NUP153: variants seen among roughly 807,000 people sequenced by gnomAD.
NUP153 encodes nuclear pore complex protein Nup153.
Under a neutral mutation model 134.6 loss-of-function variants are expected in NUP153, and 27 were observed. The ratio of observed to expected loss-of-function variants is 0.20; its 90% CI spans 0.15 to 0.28. NUP153 has a LOEUF of 0.28. Ranked by LOEUF, NUP153 falls within the 10% of genes least tolerant of loss-of-function variation. NUP153 has a pLI of 1.00. For missense variants in NUP153, 1,821 were observed against 1,731.3 expected, an observed-to-expected ratio of 1.05 and a Z score of -0.92; for synonymous variants, 640 against 623.5, an observed-to-expected ratio of 1.03 and a Z score of -0.40.
At position 17,629,494 on chromosome 6, in the gene NUP153, G is replaced by A. The variant is rs758404316; in HGVS notation, c.2705C>T (p.Ser902Phe). ...GGATGATGAGACACCAAATTTGAAGGATGAGGAGGCTGCTGAGTTCGAAGA... is the reference window on the plus strand; with the variant it reads ...GGATGATGAGACACCAAATTTGAAGAATGAGGAGGCTGCTGAGTTCGAAGA... Reference protein sequence around the residue: ...SSSSNSAASSSFKFGVSSSSS... With the variant: ...SSSSNSAASSFFKFGVSSSSS... The change falls in exon 18 of 22, where the codon TCC becomes TTC. Residue 902 changes from serine (S) to phenylalanine (F), a missense_variant. By Grantham distance (155) the Ser-to-Phe change is radical. Coordinates refer to ENST00000262077, the MANE Select transcript of NUP153 (RefSeq NM_005124.4). 1.9e-6 allele frequency: 3 copies of A among 1,606,132 alleles called. No homozygotes were observed. The Admixed American group carries it at 5.2e-5, about 28-fold the overall frequency.
At chr6:17,658,206 G>C (rs1342197550) in intron 11 of NUP153, among the ~76,000 whole-genome samples, 1 of 152,120 alleles carries the variant, frequency 6.6e-6, no homozygotes, top group African/African-American at 2.4e-5. Flanking sequence ...AGACCAGCCT[G>C]GTCAAGATGG....
intron 2 of NUP153, among the ~76,000 whole-genome samples, chr6:17,678,068 A>G (rs1407660849): frequency 6.6e-6 from 1 of 151,996 alleles, no homozygotes; most frequent in East Asian, 1.9e-4. Context: ...ATTAAATATG[A>G]TTCTGGGCTG....
chr6:17,678,863 T>C (rs1328549884), intron 2 of NUP153, among the ~76,000 whole-genome samples: 4 of 151,778 alleles, frequency 2.6e-5, no homozygotes, highest in African/African-American at 7.3e-5. Flanking sequence ...GGAGGATCAC[T>C]TGAGCCCAGG....
chr6:17,694,921 G>A (rs1299486673), intron 1 of NUP153, among the ~76,000 whole-genome samples: 1 of 151,948 alleles, frequency 6.6e-6, no homozygotes, highest in South Asian at 2.1e-4. Context: ...AGAGGTTGCA[G>A]TGAGCAGAGT....
chr6:17,689,657 C>G (rs897819591), intron 1 of NUP153, among the ~76,000 whole-genome samples: 1 of 151,800 alleles, frequency 6.6e-6, no homozygotes, highest in Admixed American at 6.6e-5. Context: ...CTGCCTCAGC[C>G]TCCCAATTAG....
chr6:17,690,456 C>A (rs1470490273), intron 1 of NUP153, among the ~76,000 whole-genome samples: 1 of 151,952 alleles, frequency 6.6e-6, no homozygotes, highest in Non-Finnish European at 1.5e-5. Flanking sequence ...TTGATTTACT[C>A]TAGGTAAAAT....
chr6:17,649,901 C>T (rs974272233), intron 11 of NUP153, among the ~76,000 whole-genome samples: 7 of 152,012 alleles, frequency 4.6e-5, no homozygotes, highest in Admixed American at 1.3e-4. Context: ...GGAACATATC[C>T]CTTGCAGATA....
intron 14 of NUP153, among the ~76,000 whole-genome samples, chr6:17,644,833 C>T (rs1382231313): frequency 6.6e-6 from 1 of 152,068 alleles, no homozygotes; most frequent in Non-Finnish European, 1.5e-5. Flanking sequence ...CGCCTGTAAT[C>T]CCAGCACTTT....
At chr6:17,690,766 C>T (rs1769225314) in intron 1 of NUP153, among the ~76,000 whole-genome samples, 1 of 152,100 alleles carries the variant, frequency 6.6e-6, no homozygotes, top group South Asian at 2.1e-4. Context: ...AAACTCAAGA[C>T]AGAGGCCTTA....
intron 18 of NUP153, among the ~76,000 whole-genome samples, chr6:17,626,567 C>T (rs1764960712): frequency 6.6e-6 from 1 of 152,162 alleles, no homozygotes; most frequent in African/African-American, 2.4e-5. Flanking sequence ...AAATGGATAG[C>T]CAAGTTTCTC....
intron 8 of NUP153, among the ~76,000 whole-genome samples, chr6:17,668,069 C>CTTTT (rs762142682): frequency 0.014 from 1,234 of 87,188 alleles, 52 homozygotes; most frequent in African/African-American, 0.054. Flanking sequence ...GTTTACTGAA[C>CTTTT]TTTTTTTTTT....
At chr6:17,637,858 A>G (rs996946215) in intron 15 of NUP153, 88 bp from the exon 16 acceptor site, 12 of 1,353,892 alleles carry the variant, frequency 8.9e-6, no homozygotes, top group Admixed American at 2.6e-5. Context: ...GAAGACGTTT[A>G]CCTCACTGCA....
rs958160334 is a variant in NUP153 at position 17,656,159 on chromosome 6, T to C, written c.1395+5494A>G. Among the ~76,000 whole-genome samples, 12 of 152,224 alleles carry C rather than the reference T, an allele frequency of 7.9e-5. 1 individual carries two copies. In the South Asian group the frequency reaches 8.3e-4, roughly 11 times the overall value. On this transcript the variant is annotated intron_variant, in intron 11 of 21. Coordinates refer to ENST00000262077, the MANE Select transcript of NUP153 (RefSeq NM_005124.4). The stretch of plus-strand genomic sequence containing the variant: ...GGTGGAGGTTGCAGTGAGCCAAGAT[T>C]GCGCCACTGCACTCCACCCTGGGAG...
intron 16 of NUP153, among the ~76,000 whole-genome samples, chr6:17,636,334 CA>C (rs199891939): frequency 0.12 from 8,321 of 67,468 alleles, 220 homozygotes; most frequent in African/African-American, 0.2. Flanking sequence ...GACTCTGTCT[CA>C]AAAAAAAAAA....
chr6:17,659,768 G>A (rs1316770590), intron 11 of NUP153, among the ~76,000 whole-genome samples: 2 of 152,174 alleles, frequency 1.3e-5, no homozygotes, highest in Non-Finnish European at 2.9e-5. Flanking sequence ...ACCGTGCCCA[G>A]CCGCCAACCC....
intron 2 of NUP153, among the ~76,000 whole-genome samples, chr6:17,683,387 T>A (rs1768728627): frequency 6.6e-6 from 1 of 152,208 alleles, no homozygotes; most frequent in South Asian, 2.1e-4. Context: ...GCCTCCTTGA[T>A]CCATGGGCTG....
At chr6:17,619,824 G>T (rs144408253) in intron 20 of NUP153, among the ~76,000 whole-genome samples, 2 of 152,074 alleles carry the variant, frequency 1.3e-5, no homozygotes, top group South Asian at 2.1e-4. Flanking sequence ...CCGGCCAGGC[G>T]CTGTGGCTCA....
intron 1 of NUP153, among the ~76,000 whole-genome samples, chr6:17,701,365 T>G (rs1006200608): frequency 2.0e-5 from 3 of 151,926 alleles, no homozygotes; most frequent in African/African-American, 7.3e-5. Flanking sequence ...CAGTCTCTAT[T>G]AAAAATACAA....
intron 10 of NUP153, 46 bp from the exon 11 acceptor site, chr6:17,661,825 T>G (rs1176911342): frequency 7.0e-6 from 11 of 1,565,538 alleles, no homozygotes; most frequent in Non-Finnish European, 9.5e-6. Context: ...ATTATTGTGG[T>G]CCATAACTTG....
Sources: allele counts gnomAD v4.1 joint callset (sites outside exome capture counted in the v4.1 genomes callset), GRCh38; gene constraint gnomAD v4.1.1; transcripts MANE v1.5; gene names NCBI Gene and HGNC (gene_info 2026-07-23, HGNC 2026-07-21).